The following HS6ST3 variants were observed in gnomAD, a reference collection of about 807,000 sequenced individuals.
HS6ST3 encodes the protein heparan-sulfate 6-O-sulfotransferase 3.
Under a neutral mutation model 36.7 loss-of-function variants are expected in HS6ST3, and 12 were observed. The ratio of observed to expected loss-of-function variants is 0.33; its 90% CI spans 0.21 to 0.53. The LOEUF (loss-of-function observed/expected upper bound fraction) is 0.53, where lower values mean the gene tolerates loss of function less well. Ranked by LOEUF, HS6ST3 falls within the 20% of genes least tolerant of loss-of-function variation. HS6ST3 has a pLI of 0.95. For missense variants in HS6ST3, 584 were observed against 640.9 expected (o/e 0.91, Z 0.96); for synonymous variants, 240 against 257.5 (o/e 0.93, Z 0.65).
intron 1 of HS6ST3, among the ~76,000 whole-genome samples, chr13:96,109,000 C>CTAT (rs2053855901): frequency 9.0e-6 from 1 of 111,472 alleles, no homozygotes; most frequent in African/African-American, 3.4e-5. Flanking sequence ...TATCTCTATC[C>CTAT]CTCTATCATC....
intron 1 of HS6ST3, among the ~76,000 whole-genome samples, chr13:96,220,428 G>C (rs2054449651): frequency 6.6e-6 from 1 of 152,164 alleles, no homozygotes; most frequent in African/African-American, 2.4e-5. Flanking sequence ...GTGTGAGGTA[G>C]AGCAGTTATC....
chr13:96,683,856 C>A (rs1414084645), intron 1 of HS6ST3, among the ~76,000 whole-genome samples: 1 of 151,982 alleles, frequency 6.6e-6, no homozygotes, highest in East Asian at 1.9e-4. Context: ...GAGTTAGAAT[C>A]TGAAAACAAT....
At chr13:96,815,617 C>T (rs919434679) in intron 1 of HS6ST3, among the ~76,000 whole-genome samples, 14 of 152,076 alleles carry the variant, frequency 9.2e-5, no homozygotes, top group African/African-American at 2.4e-4. Flanking sequence ...CCCATCATAG[C>T]AGATCATTTA....
intron 1 of HS6ST3, among the ~76,000 whole-genome samples, chr13:96,644,674 G>A (rs986766028): frequency 7.9e-5 from 12 of 151,940 alleles, no homozygotes; most frequent in Admixed American, 6.6e-4. Flanking sequence ...CATGCAGTCC[G>A]TGACTCAAGA....
chr13:96,693,772 G>A (rs1354982593), intron 1 of HS6ST3, among the ~76,000 whole-genome samples: 1 of 152,198 alleles, frequency 6.6e-6, no homozygotes, highest in Admixed American at 6.5e-5. Context: ...GAACACTTTA[G>A]TATTTACATT....
At chr13:96,113,497 C>T (rs754350240) in intron 1 of HS6ST3, among the ~76,000 whole-genome samples, 14 of 152,108 alleles carry the variant, frequency 9.2e-5, no homozygotes, top group Non-Finnish European at 1.9e-4. Flanking sequence ...CATTAAGAAC[C>T]TTAGTAAATA....
chr13:96,090,949 C>T lies in HS6ST3; in HGVS notation c.87C>T (p.Ser29=). 3 of 1,462,976 alleles carry T rather than the reference C, an allele frequency of 2.1e-6. No homozygotes were observed. Among genetic ancestry groups the T allele is most frequent in the Non-Finnish European group, 2.7e-6 (3 of 1,098,368 alleles). 90.6% of individuals were successfully genotyped at this position (1,462,976 alleles called of 1,614,324 possible). A position where few individuals can be genotyped will look rare whatever the true frequency, so the allele number is the denominator to read the frequency against. The change falls in exon 1 of 2, where the codon TCC becomes TCT. Residue 29 remains serine (S), a synonymous_variant. Coordinates refer to ENST00000376705, the MANE Select transcript of HS6ST3 (RefSeq NM_153456.4). ...VVIMYQYVSP[S]CTSSCTNFGE... is the part of the protein sequence containing the mutation. ...TCATGTACCAGTACGTGTCCCCCTC[C>T]TGCACCAGCTCCTGCACCAACTTCG... is the stretch of plus-strand genomic sequence containing the variant.
chr13:96,150,061 C>T (rs539636341), intron 1 of HS6ST3, among the ~76,000 whole-genome samples: 10 of 152,184 alleles, frequency 6.6e-5, no homozygotes, highest in East Asian at 5.8e-4. Context: ...TCCTGCCATC[C>T]GCAGCTTGGC....
Position 96,666,477 on chromosome 13 carries a change from A to G in HS6ST3, c.708-166013A>G, listed in dbSNP as rs902892843. On this transcript the variant is annotated intron_variant, in intron 1 of 1. Transcript: ENST00000376705. Reference sequence around the variant, plus strand: ...CATTCATGCTGTTTTTCCTCGTATAACTTTCTTTTCAATATTATTAGATTA... The same window carrying G: ...CATTCATGCTGTTTTTCCTCGTATAGCTTTCTTTTCAATATTATTAGATTA... Among the ~76,000 whole-genome samples, 13 of 152,180 alleles carry G rather than the reference A, an allele frequency of 8.5e-5. No homozygotes were observed. In the East Asian group the frequency reaches 9.7e-4, roughly 11 times the overall value.
intron 1 of HS6ST3, among the ~76,000 whole-genome samples, chr13:96,498,133 G>T (rs2055986285): frequency 6.6e-6 from 1 of 152,158 alleles, no homozygotes; most frequent in South Asian, 2.1e-4. Flanking sequence ...AGGTCTGTTG[G>T]GCCCACAGAA....
chr13:96,302,198 G>A (rs1246831154), intron 1 of HS6ST3, among the ~76,000 whole-genome samples: 1 of 151,836 alleles, frequency 6.6e-6, no homozygotes, highest in Non-Finnish European at 1.5e-5. Context: ...AACTCTATTT[G>A]ACTACCAACT....
chr13:96,312,019 A>G (rs1422627388), intron 1 of HS6ST3, among the ~76,000 whole-genome samples: 2 of 152,106 alleles, frequency 1.3e-5, no homozygotes, highest in East Asian at 3.8e-4. Context: ...TCTAACTGAT[A>G]CAATGTCTTC....
chr13:96,367,423 T>C (rs2055268526), intron 1 of HS6ST3, among the ~76,000 whole-genome samples: 1 of 152,246 alleles, frequency 6.6e-6, no homozygotes, highest in African/African-American at 2.4e-5. Context: ...TGTATGGATT[T>C]TCTTCTCTGT....
chr13:96,197,734 C>T (rs546151154), intron 1 of HS6ST3, among the ~76,000 whole-genome samples: 37 of 152,260 alleles, frequency 2.4e-4, no homozygotes, highest in Admixed American at 5.2e-4. Context: ...ACAGGGCCCA[C>T]GCAAGTCTGA....
At chr13:96,318,496 G>A (rs2054987139) in intron 1 of HS6ST3, among the ~76,000 whole-genome samples, 1 of 152,162 alleles carries the variant, frequency 6.6e-6, no homozygotes, top group South Asian at 2.1e-4. Flanking sequence ...TCATGCCATT[G>A]CACGCTAGCC....
intron 1 of HS6ST3, among the ~76,000 whole-genome samples, chr13:96,825,594 C>A (rs1434443090): frequency 6.6e-6 from 1 of 152,138 alleles, no homozygotes; most frequent in East Asian, 1.9e-4. Context: ...TCTCTACCTA[C>A]TTTAGGTAGA....
At chr13:96,777,997 C>G (rs1406701670) in intron 1 of HS6ST3, among the ~76,000 whole-genome samples, 1 of 152,132 alleles carries the variant, frequency 6.6e-6, no homozygotes, top group Non-Finnish European at 1.5e-5. Context: ...TGGAACAGAA[C>G]AGAGGCCTCA....
intron 1 of HS6ST3, among the ~76,000 whole-genome samples, chr13:96,658,848 G>A (rs2139018002): frequency 6.6e-6 from 1 of 152,118 alleles, no homozygotes; most frequent in South Asian, 2.1e-4. Flanking sequence ...TGGGATTACA[G>A]GCATGCACCA....
Position 96,126,598 on chromosome 13 carries a change from A to G in HS6ST3, c.707+35029A>G, listed in dbSNP as rs1166476820. Among the ~76,000 whole-genome samples the G allele has an allele frequency of 2.0e-5, 3 of 152,144 alleles. No homozygotes were observed. The East Asian group carries it at 5.8e-4, about 29-fold the overall frequency. ...GGGTCGTGCTGCTGGGGCTCCATGC[A>G]CATAAGGTGTGCAGATAAGGTTGTG... On this transcript the variant is annotated intron_variant, in intron 1 of 1. Coordinates refer to ENST00000376705, the MANE Select transcript of HS6ST3 (RefSeq NM_153456.4).
Sources: allele counts gnomAD v4.1 joint callset (sites outside exome capture counted in the v4.1 genomes callset), GRCh38; gene constraint gnomAD v4.1.1; transcripts MANE v1.5; gene names NCBI Gene and HGNC (gene_info 2026-07-23, HGNC 2026-07-21).